The following CYFIP2 variants were observed in gnomAD, a reference collection of about 807,000 sequenced individuals.
The protein encoded by CYFIP2 is cytoplasmic FMR1 interacting protein 2.
CYFIP2 carries 29 observed loss-of-function variants against 158.7 expected under a neutral mutation model. That is an observed-to-expected ratio of 0.18 (90% CI 0.14 to 0.25). The LOEUF is 0.25. Among genes scored for constraint, CYFIP2 ranks in the 10% least tolerant of loss-of-function variants. The pLI is 1.00. For missense variants in CYFIP2, 852 were observed against 1,639.5 expected (o/e 0.52, Z 8.29); for synonymous variants, 585 against 617.6 (o/e 0.95, Z 0.78).
intron 13 of CYFIP2, among the ~76,000 whole-genome samples, 194 bp downstream of exon 13, chr5:157,315,288 A>T (rs537852675): frequency 1.3e-5 from 2 of 152,074 alleles, no homozygotes; most frequent in Admixed American, 6.5e-5. Flanking sequence ...GTTCTTAAAA[A>T]TCCAAAGAAA....
At chr5:157,363,824 A>G (rs1161760207) in intron 26 of CYFIP2, 2 of 152,380 alleles carry the variant, frequency 1.3e-5, no homozygotes, top group Non-Finnish European at 2.9e-5. Context: ...AGCCTGGAAC[A>G]AAGGTAGAGA....
intron 28 of CYFIP2, among the ~76,000 whole-genome samples, chr5:157,386,751 C>CTAAAATTTTGCA (rs1766732989): frequency 6.6e-6 from 1 of 152,048 alleles, no homozygotes; most frequent in African/African-American, 2.4e-5. Flanking sequence ...GAAACCCCAT[C>CTAAAATTTTGCA]TCTACTAAAA....
chr5:157,382,584 C>G lies in CYFIP2; in HGVS notation c.3040-6C>G. ...GTTTTCTCTTTCTTTACCCCCATCT[C>G]TGCAGTCTCAGGAGGAGGTCTGCGA... On this transcript the variant is annotated splice_polypyrimidine_tract_variant and splice_region_variant and intron_variant, in intron 26 of 30. Transcript: ENST00000620254. 6.2e-7 allele frequency: 1 copy of G among 1,613,902 alleles called. No individual in the cohort carries two copies. The highest frequency in any genetic ancestry group is 2.2e-5 in the East Asian group (1 of 44,884).
At chr5:157,298,708 C>A (rs897588104) in intron 5 of CYFIP2, among the ~76,000 whole-genome samples, 53 of 152,134 alleles carry the variant, frequency 3.5e-4, no homozygotes, top group African/African-American at 1.2e-3. Context: ...TTGGCCATCA[C>A]CCCATAATAC....
chr5:157,308,481 G>T (rs1470965894), intron 9 of CYFIP2, among the ~76,000 whole-genome samples: 1 of 152,126 alleles, frequency 6.6e-6, no homozygotes, highest in Non-Finnish European at 1.5e-5. Context: ...TTAGAATTTT[G>T]CAAAGGAATC....
chr5:157,327,133 A>G (rs1761088769), intron 18 of CYFIP2, among the ~76,000 whole-genome samples: 1 of 152,146 alleles, frequency 6.6e-6, no homozygotes, highest in South Asian at 2.1e-4. Flanking sequence ...TGTCTGTGTG[A>G]ATTATCTTCC....
chr5:157,305,836 C>T (rs1404696901), intron 8 of CYFIP2, among the ~76,000 whole-genome samples: 1 of 152,278 alleles, frequency 6.6e-6, no homozygotes, highest in Non-Finnish European at 1.5e-5. Flanking sequence ...TTTTTATGTA[C>T]GTCCTTCTAA....
Position 157,361,841 on chromosome 5 carries a change from C to T in CYFIP2, c.3039+243C>T, listed in dbSNP as rs540953743. 1.1e-4 allele frequency among the ~76,000 whole-genome samples: 16 copies of T among 152,248 alleles called. No individual in the cohort carries two copies. The highest frequency in any genetic ancestry group is 1.9e-4 in the African/African-American group (8 of 41,556). ...ATGGAACCAAACTGGGGTCCACCTG[C>T]CTGGCACAGTAAAAACAAACATCCA... On this transcript the variant is annotated intron_variant, in intron 26 of 30. Coordinates refer to ENST00000620254, the MANE Select transcript of CYFIP2 (RefSeq NM_001037333.3). The surrounding 1 kb of genome is among the most constrained non-coding windows in gnomAD (Gnocchi z 4.4).
rs1293155100 is a variant in CYFIP2, at chr5:157,393,292, C to T, written c.*292C>T. 3 of 260,714 alleles carry T rather than the reference C, an allele frequency of 1.2e-5. No homozygotes were observed. Among genetic ancestry groups the T allele is most frequent in the African/African-American group, 6.7e-5 (3 of 44,676 alleles). The allele number at this position is 260,714 out of a possible 1,614,324, so 16.2% of individuals were successfully genotyped here. On this transcript the variant is annotated 3_prime_UTR_variant, in exon 31 of 31. Transcript: ENST00000620254. The stretch of plus-strand genomic sequence containing the variant: ...CTATATTAAGAACTCCTAGTTTCAC[C>T]CTTTCTCCATCCCATCATCCCACCT...
chr5:157,369,110 G>T (rs1029369673), intron 26 of CYFIP2, among the ~76,000 whole-genome samples: 13 of 152,000 alleles, frequency 8.6e-5, no homozygotes, highest in Non-Finnish European at 1.6e-4. Context: ...TATCGGCCAG[G>T]CTGGTTCTAA....
At chr5:157,359,281 A>G (rs1763632931) in intron 24 of CYFIP2, 133 bp downstream of exon 24, 2 of 937,688 alleles carry the variant, frequency 2.1e-6, no homozygotes, top group South Asian at 3.3e-5. Context: ...AAACCACTCA[A>G]GGAGTTCCCT....
At chr5:157,268,164 T>C (rs928881641) in intron 1 of CYFIP2, among the ~76,000 whole-genome samples, 3 of 152,264 alleles carry the variant, frequency 2.0e-5, no homozygotes, top group African/African-American at 7.2e-5. Flanking sequence ...ACTGAGCCTC[T>C]GGCTGGGGGC....
rs1375758390 is a variant in CYFIP2 at position 157,307,849 on chromosome 5, T to C, written c.884T>C (p.Ile295Thr). The change falls in exon 9 of 31, where the codon ATT becomes ACT. Residue 295 changes from isoleucine to threonine, a missense_variant. Transcript: ENST00000620254. ...DAKKRINLSKIDKFFKQLQVV... is the reference protein window; with the variant it reads ...DAKKRINLSKTDKFFKQLQVV... ...AAGAAGAGAATTAATCTTAGCAAAA[T>C]TGATAAATTCTTTAAGGTCAGCAAC... 2 of 1,601,574 alleles carry C rather than the reference T, an allele frequency of 1.2e-6. No individual in the cohort carries two copies. The highest frequency in any genetic ancestry group is 1.7e-6 in the Non-Finnish European group (2 of 1,171,936).
At chr5:157,390,065 C>G (rs74358296) in intron 29 of CYFIP2, among the ~76,000 whole-genome samples, 10 of 152,284 alleles carry the variant, frequency 6.6e-5, no homozygotes, top group Non-Finnish European at 1.5e-4. Flanking sequence ...CAGCATCTGC[C>G]CACCATGGCC....
intron 26 of CYFIP2, chr5:157,380,253 CT>C (rs1765918941): frequency 6.6e-6 from 1 of 152,224 alleles, no homozygotes; most frequent in African/African-American, 2.4e-5. Flanking sequence ...TCCGTGACCC[CT>C]AAACTGTAAT....
chr5:157,361,373 A>G lies in CYFIP2; in HGVS notation c.2909-95A>G, dbSNP rs1763812908. 1.9e-6 allele frequency: 3 copies of G among 1,553,322 alleles called. No individual in the cohort carries two copies. Among genetic ancestry groups the G allele is most frequent in the South Asian group, 2.3e-5 (2 of 86,392 alleles). Reference sequence around the variant, plus strand: ...GCGTGGTTTGGCTTTTTGCTATCCCAGAGTCAGGTCTGGGGCTGCCACTCA... The same window carrying G: ...GCGTGGTTTGGCTTTTTGCTATCCCGGAGTCAGGTCTGGGGCTGCCACTCA... On this transcript the variant is annotated intron_variant, in intron 25 of 30. Transcript: ENST00000620254. This position sits in a 1 kb window ranked among gnomAD's most constrained non-coding sequence, Gnocchi z 4.4.
Position 157,272,619 on chromosome 5 carries a change from T to C in CYFIP2, c.-24+6424T>C, listed in dbSNP as rs542622192. On this transcript the variant is annotated intron_variant, in intron 1 of 30. Coordinates refer to ENST00000620254, the MANE Select transcript of CYFIP2 (RefSeq NM_001037333.3). The stretch of plus-strand genomic sequence containing the variant: ...CGATTTATCTATTCTGCACGTTGTC[T>C]ATTTACTTCCTGCTGTGATGGATGG... 1.7e-4 allele frequency among the ~76,000 whole-genome samples: 26 copies of C among 152,318 alleles called. No homozygotes were observed. In the South Asian group the frequency reaches 3.9e-3, roughly 23 times the overall value.
At position 157,333,387 on chromosome 5, in the gene CYFIP2, T is replaced by C. The variant is rs1365489154; in HGVS notation, c.2326T>C (p.Tyr776His). The C allele has an allele frequency of 6.2e-7, 1 of 1,613,932 alleles. No homozygotes were observed. Among genetic ancestry groups the C allele is most frequent in the African/African-American group, 1.3e-5 (1 of 74,956 alleles). The change falls in exon 21 of 31, where the codon TAT (tyrosine) becomes CAT (histidine). Residue 776 changes from tyrosine (Y) to histidine (H), a missense_variant. Tyr to His is a moderately conservative substitution (Grantham distance 83). Coordinates refer to ENST00000620254, the MANE Select transcript of CYFIP2 (RefSeq NM_001037333.3). ...LITQRISAAM[Y>H]KSLDQAISRF... is the part of the protein sequence containing the mutation. ...TACCCAGCGCATCTCTGCCGCCATG[T>C]ATAAATCCTTGGACCAAGCTATCAG...
chr5:157,390,699 G>C (rs1347069653), intron 30 of CYFIP2, 31 bp downstream of exon 30: 1 of 1,570,620 alleles, frequency 6.4e-7, no homozygotes, highest in Non-Finnish European at 8.6e-7. Context: ...GGCCTGGGAG[G>C]TGGGGCTGGG....
Sources: gnomAD v4.1 joint callset for allele counts (sites outside exome capture counted in the v4.1 genomes callset) on GRCh38, gnomAD v4.1.1 for gene constraint, Gnocchi (gnomAD v3.1) non-coding constraint, MANE v1.5 for transcripts, NCBI Gene and HGNC (gene_info 2026-07-23, HGNC 2026-07-21) for gene names.